Variants in PTPRD observed in about 807,000 individuals in gnomAD.
The protein encoded by PTPRD is receptor-type tyrosine-protein phosphatase delta.
PTPRD carries 34 observed loss-of-function variants against 214.5 expected under a neutral mutation model. The ratio of observed to expected loss-of-function variants is 0.16; its 90% CI spans 0.12 to 0.21. The LOEUF (loss-of-function observed/expected upper bound fraction) is 0.21. PTPRD is among the 10% of genes least tolerant of loss of function. PTPRD has a pLI of 1.00. For missense variants in PTPRD, 2,545 were observed against 2,398.7 expected, an observed-to-expected ratio of 1.06 and a Z score of -1.27; for synonymous variants, 1,128 against 845.7, an observed-to-expected ratio of 1.33 and a Z score of -5.79.
chr9:10,257,950 T>C (rs2093405795), intron 3 of PTPRD, among the ~76,000 whole-genome samples: 1 of 152,092 alleles, frequency 6.6e-6, no homozygotes, highest in Admixed American at 6.5e-5. Context: ...AGCGGGTGTG[T>C]GTTATGTGCA....
intron 10 of PTPRD, among the ~76,000 whole-genome samples, chr9:9,036,941 T>G (rs1028214491): frequency 6.6e-6 from 1 of 152,142 alleles, no homozygotes; most frequent in African/African-American, 2.4e-5. Flanking sequence ...CTGGGATGCT[T>G]CCAACTCTCC....
chr9:8,990,216 TC>T (rs2099360933), intron 11 of PTPRD, among the ~76,000 whole-genome samples: 2 of 152,106 alleles, frequency 1.3e-5, no homozygotes, highest in South Asian at 4.1e-4. Flanking sequence ...GACTTAAAGA[TC>T]TACTGAAAGA....
chr9:8,875,813 G>A (rs2098383092), intron 11 of PTPRD, among the ~76,000 whole-genome samples: 2 of 152,134 alleles, frequency 1.3e-5, no homozygotes, highest in Non-Finnish European at 2.9e-5. Context: ...CTACTTAACT[G>A]AGTAGCTTTG....
chr9:9,579,175 T>C (rs570287082), intron 7 of PTPRD, among the ~76,000 whole-genome samples: 1 of 152,270 alleles, frequency 6.6e-6, no homozygotes, highest in African/African-American at 2.4e-5. Flanking sequence ...CAAGTAATTA[T>C]ATATTTATTA....
intron 2 of PTPRD, among the ~76,000 whole-genome samples, chr9:10,436,942 A>C (rs562368592): frequency 6.6e-6 from 1 of 151,894 alleles, no homozygotes; most frequent in Admixed American, 6.6e-5. Flanking sequence ...GTCCACTTAC[A>C]TGTGCCAACT....
At chr9:10,185,787 G>T (rs949218376) in intron 3 of PTPRD, among the ~76,000 whole-genome samples, 8 of 152,010 alleles carry the variant, frequency 5.3e-5, no homozygotes, top group Non-Finnish European at 8.8e-5. Flanking sequence ...TACATATGAG[G>T]GTTGTGACCT....
chr9:8,808,875 T>C (rs1009776730), intron 11 of PTPRD, among the ~76,000 whole-genome samples: 1 of 152,186 alleles, frequency 6.6e-6, no homozygotes, highest in Non-Finnish European at 1.5e-5. Context: ...AGATGCCTTA[T>C]ATGCAATTAA....
At chr9:9,986,533 C>A (rs945578004) in intron 4 of PTPRD, among the ~76,000 whole-genome samples, 2 of 152,022 alleles carry the variant, frequency 1.3e-5, no homozygotes, top group Admixed American at 6.6e-5. Flanking sequence ...AGCATAATCT[C>A]TAAATGATTA....
At chr9:10,232,842 T>C (rs1457914629) in intron 3 of PTPRD, among the ~76,000 whole-genome samples, 2 of 152,014 alleles carry the variant, frequency 1.3e-5, no homozygotes, top group African/African-American at 4.8e-5. Flanking sequence ...CCTTTTCCAT[T>C]TGATCTTACA....
At chr9:9,604,112 C>T (rs981648133) in intron 7 of PTPRD, among the ~76,000 whole-genome samples, 5 of 151,566 alleles carry the variant, frequency 3.3e-5, no homozygotes, top group African/African-American at 1.2e-4. Flanking sequence ...GGAAAAATAA[C>T]AGCTAAGTTT....
intron 10 of PTPRD, among the ~76,000 whole-genome samples, chr9:9,147,760 C>T (rs942001361): frequency 6.6e-6 from 1 of 152,090 alleles, no homozygotes; most frequent in East Asian, 1.9e-4. Context: ...GACCCTCCCC[C>T]CTCTCCCTGC....
At chr9:9,602,982 T>C (rs144745615) in intron 7 of PTPRD, among the ~76,000 whole-genome samples, 1,756 of 152,136 alleles carry the variant, frequency 0.012, 22 homozygotes, top group Non-Finnish European at 0.017. Context: ...TTTTGAAAGA[T>C]TAGGTTGTGT....
chr9:9,362,073 G>A (rs1023829020), intron 9 of PTPRD, among the ~76,000 whole-genome samples: 1 of 150,954 alleles, frequency 6.6e-6, no homozygotes, highest in Non-Finnish European at 1.5e-5. Context: ...AAAAAAGATC[G>A]AGTGGAATTA....
intron 10 of PTPRD, among the ~76,000 whole-genome samples, chr9:9,103,872 C>A (rs1176694824): frequency 6.6e-6 from 1 of 152,054 alleles, no homozygotes; most frequent in African/African-American, 2.4e-5. Context: ...TTCCCAGATA[C>A]CCTGGAGGCT....
intron 5 of PTPRD, among the ~76,000 whole-genome samples, chr9:9,776,781 C>A (rs1318300442): frequency 6.6e-6 from 1 of 152,102 alleles, no homozygotes. Context: ...TCAATATAGT[C>A]TCATAAAGCA....
intron 11 of PTPRD, among the ~76,000 whole-genome samples, chr9:8,968,043 T>C (rs1369776795): frequency 1.3e-5 from 2 of 152,126 alleles, no homozygotes; most frequent in African/African-American, 4.8e-5. Flanking sequence ...CTGAGAATGA[T>C]GGTTTCCAGC....
At chr9:8,626,519 A>C (rs2096044069) in intron 14 of PTPRD, among the ~76,000 whole-genome samples, 1 of 151,830 alleles carries the variant, frequency 6.6e-6, no homozygotes, top group African/African-American at 2.4e-5. Flanking sequence ...GGGTGCTCAA[A>C]TATTTGGTCA....
chr9:9,702,336 A>C (rs537799801), intron 7 of PTPRD, among the ~76,000 whole-genome samples: 9 of 152,292 alleles, frequency 5.9e-5, no homozygotes, highest in Admixed American at 5.9e-4. Flanking sequence ...AATGCAGAGA[A>C]TGGGGCAATA....
rs565064526 is a variant in PTPRD, at chr9:10,181,856, G to C, written c.-544-148066C>G. 5.1e-5 allele frequency among the ~76,000 whole-genome samples: 7 copies of C among 136,796 alleles called. No individual in the cohort carries two copies. The South Asian group carries it at 1.2e-3, about 23-fold the overall frequency. 89.7% of individuals were successfully genotyped at this position (136,796 alleles called of 152,430 possible). On this transcript the variant is annotated intron_variant, in intron 3 of 45. Coordinates refer to ENST00000381196, the MANE Select transcript of PTPRD (RefSeq NM_002839.4). Reference sequence around the variant, plus strand: ...AAAATGGGAAAGAAAAATCTACATTGACAACAAAAAAAATAGTATAAGATA... The same window carrying C: ...AAAATGGGAAAGAAAAATCTACATTCACAACAAAAAAAATAGTATAAGATA...
Sources: allele counts gnomAD v4.1 joint callset (sites outside exome capture counted in the v4.1 genomes callset), GRCh38; gene constraint gnomAD v4.1.1; transcripts MANE v1.5; gene names NCBI Gene and HGNC (gene_info 2026-07-23, HGNC 2026-07-21).